AP3S2: variants seen among roughly 807,000 people sequenced by gnomAD.
The protein encoded by AP3S2 is AP-3 complex subunit sigma-2.
In AP3S2, 22 loss-of-function variants were observed where a neutral mutation model predicts 23.4. The observed-to-expected ratio is 0.94, with a 90% CI of 0.67 to 1.34. The LOEUF (loss-of-function observed/expected upper bound fraction) is 1.34, where lower values mean the gene tolerates loss of function less well. AP3S2 is among the 40% of genes most tolerant of loss of function. AP3S2 has a pLI of 0.00. For synonymous variants in AP3S2, 86 were observed against 87.1 expected (o/e 0.99, Z 0.07); for missense variants, 241 against 236.9 (o/e 1.02, Z -0.11).
intron 4 of AP3S2, among the ~76,000 whole-genome samples, chr15:89,855,128 G>A (rs886604785): frequency 2.3e-5 from 3 of 132,674 alleles, no homozygotes; most frequent in Admixed American, 8.2e-5. Flanking sequence ...GATGGTTGCC[G>A]TGTCTGTGTA....
intron 3 of AP3S2, among the ~76,000 whole-genome samples, chr15:89,886,870 C>T (rs1896713388): frequency 6.6e-6 from 1 of 152,206 alleles, no homozygotes. Context: ...TCTTGGCTCA[C>T]TGCAACCTCC....
intron 4 of AP3S2, among the ~76,000 whole-genome samples, chr15:89,858,469 AAG>A (rs749484278): frequency 7.2e-5 from 2 of 27,860 alleles, no homozygotes; most frequent in Non-Finnish European, 1.4e-4. Context: ...GAAAGAAAGA[AAG>A]AAAGAAAGAA....
intron 4 of AP3S2, among the ~76,000 whole-genome samples, chr15:89,868,069 T>C (rs1391944966): frequency 1.2e-4 from 14 of 114,872 alleles, no homozygotes; most frequent in Admixed American, 2.5e-4. Context: ...TACTGGGAAG[T>C]GAGGAGCCCC....
intron 4 of AP3S2, among the ~76,000 whole-genome samples, chr15:89,838,664 C>T (rs1456065534): frequency 2.0e-5 from 3 of 152,166 alleles, no homozygotes; most frequent in African/African-American, 7.2e-5. Context: ...GCAAGTACAA[C>T]CTTCTATTGT....
rs1175624183 is a variant in AP3S2, at chr15:89,834,070, T to A, written c.*1445A>T. ...GCCCTACTCCACCACAGAAAGAACATTTATGGGCGCCTAAGCCCTGGGAGA... is the reference window on the plus strand; with the variant it reads ...GCCCTACTCCACCACAGAAAGAACAATTATGGGCGCCTAAGCCCTGGGAGA... On this transcript the variant is annotated 3_prime_UTR_variant, in exon 6 of 6. Transcript: ENST00000336418. 6.6e-6 allele frequency: 1 copy of A among 152,292 alleles called. No homozygotes were observed. Among genetic ancestry groups the A allele is most frequent in the Non-Finnish European group, 1.5e-5 (1 of 68,118 alleles). 9.4% of individuals were successfully genotyped at this position (152,292 alleles called of 1,614,324 possible). A position where few individuals can be genotyped will look rare whatever the true frequency, so the allele number is the denominator to read the frequency against.
intron 3 of AP3S2, among the ~76,000 whole-genome samples, chr15:89,874,371 G>C (rs543407582): frequency 6.6e-6 from 1 of 152,170 alleles, no homozygotes. Flanking sequence ...ACGTGTCCAT[G>C]TGAAGAGACC....
At chr15:89,873,450 A>G (rs1281224541) in intron 3 of AP3S2, among the ~76,000 whole-genome samples, 2 of 151,930 alleles carry the variant, frequency 1.3e-5, no homozygotes, top group African/African-American at 4.8e-5. Context: ...ACGCCTGGCT[A>G]ATTTTTGTAT....
intron 4 of AP3S2, among the ~76,000 whole-genome samples, chr15:89,867,902 C>T (rs975783387): frequency 3.8e-5 from 5 of 130,468 alleles, no homozygotes; most frequent in Non-Finnish European, 7.1e-5. Context: ...CCGGCAGCCA[C>T]CCCGTCCGGG....
chr15:89,841,477 GT>G (rs1390321869), intron 4 of AP3S2, among the ~76,000 whole-genome samples: 1 of 152,162 alleles, frequency 6.6e-6, no homozygotes, highest in Non-Finnish European at 1.5e-5. Context: ...CTTCCTGTGG[GT>G]AAAGGACACA....
chr15:89,889,886 AAAG>A (rs1896781090), intron 1 of AP3S2, among the ~76,000 whole-genome samples: 1 of 151,346 alleles, frequency 6.6e-6, no homozygotes, highest in South Asian at 2.1e-4. Context: ...AAAAAAAAAA[AAAG>A]GTCAAGAAGT....
At chr15:89,878,087 T>C (rs1896485159) in intron 3 of AP3S2, among the ~76,000 whole-genome samples, 1 of 152,226 alleles carries the variant, frequency 6.6e-6, no homozygotes, top group African/African-American at 2.4e-5. Flanking sequence ...TACTTAACCT[T>C]GTACAGTTAT....
intron 1 of AP3S2, among the ~76,000 whole-genome samples, chr15:89,891,456 C>T (rs7173817): frequency 0.47 from 71,485 of 151,874 alleles, 17,050 homozygotes; most frequent in East Asian, 0.6. Context: ...GTCAGGAGTT[C>T]GAGACCAGCC....
At position 89,866,172 on chromosome 15, in the gene AP3S2, G is replaced by A. The variant is rs1234917307; in HGVS notation, c.345+5303C>T. On this transcript the variant is annotated intron_variant, in intron 4 of 5. Transcript: ENST00000336418. Reference sequence around the variant, plus strand: ...AGCTACTCCGGAGGCTGAGACAGGAGAATCACTTGAACACGGGAAGCAGAG... The same window carrying A: ...AGCTACTCCGGAGGCTGAGACAGGAAAATCACTTGAACACGGGAAGCAGAG... 2.1e-5 allele frequency among the ~76,000 whole-genome samples: 3 copies of A among 141,800 alleles called. No homozygotes were observed. The South Asian group carries it at 6.7e-4, about 32-fold the overall frequency. 93.0% of individuals were successfully genotyped at this position (141,800 alleles called of 152,430 possible). A position where few individuals can be genotyped will look rare whatever the true frequency, so the allele number is the denominator to read the frequency against.
chr15:89,851,955 A>C (rs955349836), intron 4 of AP3S2, among the ~76,000 whole-genome samples: 7 of 152,180 alleles, frequency 4.6e-5, no homozygotes, highest in African/African-American at 1.7e-4. Flanking sequence ...TTTGAATTTC[A>C]TCCTTCCTTG....
Position 89,866,043 on chromosome 15 carries a change from C to G in AP3S2, c.345+5432G>C, listed in dbSNP as rs1396232278. Among the ~76,000 whole-genome samples, 12 of 152,016 alleles carry G rather than the reference C, an allele frequency of 7.9e-5. No homozygotes were observed. In the East Asian group the frequency reaches 2.3e-3, roughly 29 times the overall value. ...TTGGGAGACTGAGGTGGGTGGATCA[C>G]CTGAGGTCAGGAGTTGGAGACCAGC... On this transcript the variant is annotated intron_variant, in intron 4 of 5. Coordinates refer to ENST00000336418, the MANE Select transcript of AP3S2 (RefSeq NM_005829.5).
In AP3S2 at chr15:89,887,382, T is replaced by A. The variant is rs370657908; in HGVS notation, c.273+1139A>T. Among the ~76,000 whole-genome samples the A allele has an allele frequency of 7.6e-3, 1,150 of 152,130 alleles. 17 individuals are homozygous for A. Among genetic ancestry groups the A allele is most frequent in the African/African-American group, 0.023 (941 of 41,548 alleles). Reference sequence around the variant, plus strand: ...TTATGTATTTATTTTTATTATTATTTTTTTTTTGAGACGGAGTCTCGCCCT... The same window carrying A: ...TTATGTATTTATTTTTATTATTATTATTTTTTTGAGACGGAGTCTCGCCCT... On this transcript the variant is annotated intron_variant, in intron 3 of 5. Coordinates refer to ENST00000336418, the MANE Select transcript of AP3S2 (RefSeq NM_005829.5).
chr15:89,887,765 G>A (rs1896734060), intron 3 of AP3S2, among the ~76,000 whole-genome samples: 2 of 152,230 alleles, frequency 1.3e-5, no homozygotes, highest in Non-Finnish European at 2.9e-5. Flanking sequence ...CCACATCCCA[G>A]GTTCAAATAA....
At chr15:89,878,526 C>A (rs1896495648) in intron 3 of AP3S2, among the ~76,000 whole-genome samples, 1 of 152,134 alleles carries the variant, frequency 6.6e-6, no homozygotes, top group African/African-American at 2.4e-5. Flanking sequence ...TGCATTTTTT[C>A]ACCCATCAGA....
intron 4 of AP3S2, among the ~76,000 whole-genome samples, chr15:89,848,039 G>A (rs1043973095): frequency 6.6e-6 from 1 of 152,196 alleles, no homozygotes; most frequent in East Asian, 1.9e-4. Flanking sequence ...CTAGCAGCAT[G>A]TTAATGCATG....
Sources: gnomAD v4.1 joint callset for allele counts (sites outside exome capture counted in the v4.1 genomes callset) on GRCh38, gnomAD v4.1.1 for gene constraint, MANE v1.5 for transcripts, NCBI Gene and HGNC (gene_info 2026-07-23, HGNC 2026-07-21) for gene names.